The following CPB2 variants were observed in gnomAD, a reference collection of about 807,000 sequenced individuals.
CPB2 encodes carboxypeptidase B-like protein.
In CPB2, 54 loss-of-function variants were observed where a neutral mutation model predicts 57.0. The observed-to-expected ratio is 0.95, with a 90% CI of 0.76 to 1.19. CPB2 has a LOEUF of 1.19. Among genes scored for constraint, CPB2 ranks in the 50% most tolerant of loss-of-function variants. CPB2 has a pLI of 0.00. For missense variants in CPB2, 426 were observed against 512.0 expected (o/e 0.83, Z 1.62); for synonymous variants, 189 against 178.1 (o/e 1.06, Z -0.49).
At chr13:46,077,300 A>G (rs1449405239) in intron 5 of CPB2, among the ~76,000 whole-genome samples, 24 of 152,162 alleles carry the variant, frequency 1.6e-4, no homozygotes, top group Admixed American at 1.6e-3. Flanking sequence ...AGACACACAA[A>G]TGGGCAACAG....
chr13:46,082,550 C>G lies in CPB2; in HGVS notation c.276-1G>C. On this transcript the variant is annotated splice_acceptor_variant, in intron 3 of 10. Coordinates refer to ENST00000181383, the MANE Select transcript of CPB2 (RefSeq NM_001872.5). LOFTEE classifies it high-confidence loss of function. The stretch of plus-strand genomic sequence containing the variant: ...ATCTTCCACATCTGCCAGCAAGACA[C>G]TAGGTGATGAAACAGAGAGTGAGCT... The G allele has an allele frequency of 6.2e-7, 1 of 1,601,336 alleles. No homozygotes were observed. The highest frequency in any genetic ancestry group is 8.6e-7 in the Non-Finnish European group (1 of 1,168,754).
chr13:46,093,221 T>C (rs1026512276), intron 1 of CPB2, among the ~76,000 whole-genome samples: 9 of 152,164 alleles, frequency 5.9e-5, no homozygotes, highest in African/African-American at 2.2e-4. Context: ...CAAGGATAAC[T>C]TTAACAAGGG....
At chr13:46,097,825 C>T (rs17844170) in intron 1 of CPB2, among the ~76,000 whole-genome samples, 1,805 of 152,238 alleles carry the variant, frequency 0.012, 34 homozygotes, top group African/African-American at 0.042. Context: ...GTAACCCACT[C>T]GGAGAATTAG....
intron 6 of CPB2, among the ~76,000 whole-genome samples, chr13:46,072,422 T>G (rs1053316749): frequency 6.6e-6 from 1 of 151,960 alleles, no homozygotes; most frequent in Non-Finnish European, 1.5e-5. Flanking sequence ...AAGAATGGAG[T>G]TTAAATGTCG....
chr13:46,074,295 C>T (rs1001904897), intron 5 of CPB2, among the ~76,000 whole-genome samples: 1 of 152,186 alleles, frequency 6.6e-6, no homozygotes, highest in Non-Finnish European at 1.5e-5. Context: ...GACCAGAGAA[C>T]TAATGATTTG....
intron 9 of CPB2, among the ~76,000 whole-genome samples, chr13:46,056,573 A>G (rs915886988): frequency 1.3e-5 from 2 of 152,246 alleles, no homozygotes; most frequent in South Asian, 2.1e-4. Context: ...TGTTCAAAAA[A>G]TAAGTTTTAA....
intron 8 of CPB2, among the ~76,000 whole-genome samples, chr13:46,063,210 T>C (rs572633956): frequency 2.6e-5 from 4 of 152,320 alleles, no homozygotes; most frequent in African/African-American, 9.6e-5. Flanking sequence ...GTGCAGGTTT[T>C]TTCCATGGAT....
chr13:46,086,568 T>C (rs986124600), intron 2 of CPB2, among the ~76,000 whole-genome samples: 6 of 152,016 alleles, frequency 3.9e-5, no homozygotes, highest in Admixed American at 2.6e-4. Context: ...AGGAAGTGAG[T>C]GCTGATTGGT....
intron 2 of CPB2, among the ~76,000 whole-genome samples, chr13:46,086,597 G>A (rs901271140): frequency 6.6e-6 from 1 of 152,190 alleles, no homozygotes; most frequent in Non-Finnish European, 1.5e-5. Context: ...GGCCATAGGC[G>A]GGTGCGGAAA....
In CPB2 at chr13:46,053,489, C is replaced by T. The variant is rs966817289; in HGVS notation, c.*125G>A. 1.4e-6 allele frequency: 2 copies of T among 1,437,388 alleles called. No individual in the cohort carries two copies. The highest frequency in any genetic ancestry group is 2.5e-5 in the Admixed American group (1 of 40,392). 89.0% of individuals were successfully genotyped at this position (1,437,388 alleles called of 1,614,324 possible). A position where few individuals can be genotyped will look rare whatever the true frequency, so the allele number is the denominator to read the frequency against. ...GCACTTATTAGGTTCTCTGACAGAA[C>T]CAAGGAATAGGAAAATCTTTTATCA... On this transcript the variant is annotated 3_prime_UTR_variant, in exon 11 of 11. Transcript: ENST00000181383.
Position 46,105,033 on chromosome 13 carries a change from C to T in CPB2, c.-24G>A, listed in dbSNP as rs1360703794. Reference sequence around the variant, plus strand: ...ATCCCAACAGCAATTTTCTGTACAACAAATTTCTCTGAAGAGAAAAACCCA... The same window carrying T: ...ATCCCAACAGCAATTTTCTGTACAATAAATTTCTCTGAAGAGAAAAACCCA... On this transcript the variant is annotated 5_prime_UTR_variant, in exon 1 of 11. Coordinates refer to ENST00000181383, the MANE Select transcript of CPB2 (RefSeq NM_001872.5). 1 of 1,613,694 alleles carries T rather than the reference C, an allele frequency of 6.2e-7. No homozygotes were observed. The highest frequency in any genetic ancestry group is 1.7e-5 in the Admixed American group (1 of 59,958).
chr13:46,103,967 C>G (rs924574288), intron 1 of CPB2, among the ~76,000 whole-genome samples: 1 of 152,150 alleles, frequency 6.6e-6, no homozygotes, highest in Admixed American at 6.5e-5. Flanking sequence ...GCTCGACATT[C>G]GACAATCATG....
chr13:46,066,149 A>T (rs1454041728), intron 7 of CPB2, among the ~76,000 whole-genome samples: 7 of 152,114 alleles, frequency 4.6e-5, no homozygotes, highest in African/African-American at 1.7e-4. Flanking sequence ...CCATGTTTCC[A>T]ATCACACCAA....
intron 6 of CPB2, among the ~76,000 whole-genome samples, chr13:46,070,279 T>C (rs1566403321): frequency 1.3e-5 from 2 of 152,184 alleles, no homozygotes; most frequent in Non-Finnish European, 1.5e-5. Context: ...ATTCGGTAGA[T>C]TAGGTATATT....
chr13:46,075,986 A>G (rs9534311), intron 5 of CPB2, among the ~76,000 whole-genome samples: 52,201 of 151,950 alleles, frequency 0.34, 9,185 homozygotes, highest in African/African-American at 0.39. Flanking sequence ...AATATTTTGC[A>G]ACTGAAAATA....
Position 46,058,352 on chromosome 13 carries a change from C to A in CPB2, c.826G>T (p.Glu276Ter), listed in dbSNP as rs1332881775. The change falls in exon 9 of 11, where the codon GAA (glutamate) becomes TAA (stop). Residue 276 changes from glutamate to a stop codon, truncating the protein, a stop_gained. Transcript: ENST00000181383. LOFTEE classifies it high-confidence loss of function. ...EEGASSSSCS[E>*]TYCGLYPESE... The stretch of plus-strand genomic sequence containing the variant: ...TCAGGATAAAGTCCACAGTAGGTTT[C>A]CGAGCATGAGGAACTGGATGCACCT... The A allele has an allele frequency of 6.2e-7, 1 of 1,613,934 alleles. No homozygotes were observed. Among genetic ancestry groups the A allele is most frequent in the Non-Finnish European group, 8.5e-7 (1 of 1,179,958 alleles).
chr13:46,056,985 A>G (rs558057351), intron 9 of CPB2, among the ~76,000 whole-genome samples: 16 of 152,276 alleles, frequency 1.1e-4, no homozygotes, highest in South Asian at 4.1e-4. Flanking sequence ...TAGTTACTCT[A>G]TGTCGCCTTA....
chr13:46,088,421 T>A (rs2045242586), intron 1 of CPB2, among the ~76,000 whole-genome samples: 2 of 152,244 alleles, frequency 1.3e-5, no homozygotes, highest in Admixed American at 6.5e-5. Context: ...CTATATGTAT[T>A]CTTCTGAATC....
intron 5 of CPB2, among the ~76,000 whole-genome samples, chr13:46,075,090 A>G (rs889267582): frequency 6.6e-6 from 1 of 152,190 alleles, no homozygotes; most frequent in Admixed American, 6.5e-5. Flanking sequence ...AATCAAACAA[A>G]TATGTAGACT....
Sources: allele counts gnomAD v4.1 joint callset (sites outside exome capture counted in the v4.1 genomes callset), GRCh38; gene constraint gnomAD v4.1.1; transcripts MANE v1.5; gene names NCBI Gene and HGNC (gene_info 2026-07-23, HGNC 2026-07-21).